The following RALGAPA2 variants were observed in gnomAD, a reference collection of about 807,000 sequenced individuals.
RALGAPA2 encodes ral GTPase-activating protein subunit alpha-2.
Under a neutral mutation model 230.4 loss-of-function variants are expected in RALGAPA2, and 139 were observed. The ratio of observed to expected loss-of-function variants is 0.60; its 90% CI spans 0.53 to 0.69. RALGAPA2 has a LOEUF of 0.69. RALGAPA2 is among the 30% of genes least tolerant of loss of function. The probability of loss-of-function intolerance (pLI) is 0.00; values close to 1 mark genes in which losing one functional copy is unlikely to be tolerated. For synonymous variants in RALGAPA2, 847 were observed against 837.8 expected (o/e 1.01, Z -0.19); for missense variants, 2,163 against 2,276.0 (o/e 0.95, Z 1.01).
At chr20:20,659,662 A>G (rs1214294029) in intron 3 of RALGAPA2, 5 of 328,334 alleles carry the variant, frequency 1.5e-5, no homozygotes, top group African/African-American at 2.2e-5. Context: ...CAACATCCTA[A>G]AAATATTATA....
At chr20:20,531,190 T>C (rs1446507568) in intron 27 of RALGAPA2, among the ~76,000 whole-genome samples, 4 of 152,216 alleles carry the variant, frequency 2.6e-5, no homozygotes, top group Non-Finnish European at 5.9e-5. Context: ...AACAGAATTA[T>C]TTAGAGTTCG....
At chr20:20,671,167 T>C (rs746660916) in intron 3 of RALGAPA2, among the ~76,000 whole-genome samples, 5 of 152,190 alleles carry the variant, frequency 3.3e-5, no homozygotes, top group Admixed American at 6.5e-5. Context: ...TCACTTACTT[T>C]ATCAGAATAC....
chr20:20,637,029 C>A (rs1327773716), intron 8 of RALGAPA2, among the ~76,000 whole-genome samples: 1 of 152,144 alleles, frequency 6.6e-6, no homozygotes, highest in East Asian at 1.9e-4. Flanking sequence ...TCGCCATACC[C>A]CACCACCCAC....
chr20:20,445,465 C>A (rs556539197), intron 37 of RALGAPA2, among the ~76,000 whole-genome samples: 1 of 152,176 alleles, frequency 6.6e-6, no homozygotes, highest in Non-Finnish European at 1.5e-5. Context: ...AGATCCCCCA[C>A]GGAATCTAAT....
At chr20:20,397,006 C>T (rs116765924) in intron 38 of RALGAPA2, among the ~76,000 whole-genome samples, 87 of 152,368 alleles carry the variant, frequency 5.7e-4, no homozygotes, top group African/African-American at 2.1e-3. Context: ...TCTATGCATG[C>T]AGACCTTGTC....
chr20:20,434,941 A>G (rs1378193409), intron 37 of RALGAPA2, among the ~76,000 whole-genome samples: 1 of 152,210 alleles, frequency 6.6e-6, no homozygotes, highest in Admixed American at 6.5e-5. Context: ...GTCTCAAAAA[A>G]GTTTTCTTTT....
chr20:20,429,398 C>G (rs1364563464), intron 37 of RALGAPA2, among the ~76,000 whole-genome samples: 1 of 152,190 alleles, frequency 6.6e-6, no homozygotes, highest in Non-Finnish European at 1.5e-5. Context: ...TTTCTCCCCC[C>G]AGAACCAAGA....
At chr20:20,629,330 C>G in intron 10 of RALGAPA2, 33 bp downstream of exon 10, 8 of 924,760 alleles carry the variant, frequency 8.7e-6, no homozygotes, top group Non-Finnish European at 1.2e-5. Context: ...AACACACACA[C>G]ACACACACAC....
intron 23 of RALGAPA2, among the ~76,000 whole-genome samples, chr20:20,559,337 C>T (rs1044778181): frequency 1.3e-5 from 2 of 152,068 alleles, no homozygotes; most frequent in East Asian, 1.9e-4. Context: ...TTAGACAATT[C>T]GTGTTTAGAC....
Position 20,443,005 on chromosome 20 carries a change from T to G in RALGAPA2, c.5495+29824A>C, listed in dbSNP as rs1380558240. ...AGCCTTTGAACTTTTTAAAGCTCTA[T>G]CAATGGACCATGATACTTAACCACT... On this transcript the variant is annotated intron_variant, in intron 37 of 39. Transcript: ENST00000202677. Among the ~76,000 whole-genome samples the G allele has an allele frequency of 2.6e-5, 4 of 152,214 alleles. No homozygotes were observed. The East Asian group carries it at 7.7e-4, about 29-fold the overall frequency.
Position 20,391,877 on chromosome 20 carries a change from G to A in RALGAPA2, c.*1412C>T, listed in dbSNP as rs899410647. The A allele has an allele frequency of 6.6e-6, 1 of 152,550 alleles. No individual in the cohort carries two copies. Among genetic ancestry groups the A allele is most frequent in the African/African-American group, 2.4e-5 (1 of 41,480 alleles). The allele number at this position is 152,550 out of a possible 1,614,324, so 9.4% of individuals were successfully genotyped here. A position where few individuals can be genotyped will look rare whatever the true frequency, so the allele number is the denominator to read the frequency against. ...CCCTGAGTTAGGGGCTGCGTCTCTC[G>A]TGCTGCTGTCCCTTCCCACTGCAGG... is the stretch of plus-strand genomic sequence containing the variant. On this transcript the variant is annotated 3_prime_UTR_variant, in exon 40 of 40. Coordinates refer to ENST00000202677, the MANE Select transcript of RALGAPA2 (RefSeq NM_020343.4).
At chr20:20,510,688 T>C (rs1189411166) in intron 33 of RALGAPA2, among the ~76,000 whole-genome samples, 12 of 152,220 alleles carry the variant, frequency 7.9e-5, no homozygotes, top group Admixed American at 7.8e-4. Context: ...TTCATGGTTG[T>C]GAGCTCATCT....
At chr20:20,482,706 T>C (rs2061808448) in intron 36 of RALGAPA2, among the ~76,000 whole-genome samples, 2 of 152,178 alleles carry the variant, frequency 1.3e-5, no homozygotes, top group Admixed American at 6.5e-5. Context: ...TCCTGAGGGA[T>C]TCCTGAGAGC....
At chr20:20,574,094 A>G (rs12480149) in intron 20 of RALGAPA2, among the ~76,000 whole-genome samples, 17,643 of 152,248 alleles carry the variant, frequency 0.12, 1,822 homozygotes, top group African/African-American at 0.27. Context: ...CTTGTTCTAC[A>G]TCCTTGCTAG....
intron 37 of RALGAPA2, among the ~76,000 whole-genome samples, chr20:20,431,087 T>C (rs926532248): frequency 2.6e-5 from 4 of 151,352 alleles, no homozygotes; most frequent in Non-Finnish European, 4.4e-5. Flanking sequence ...GTGGAGCGAG[T>C]CCCCCTGAAG....
chr20:20,534,226 C>G (rs770321122), intron 26 of RALGAPA2, among the ~76,000 whole-genome samples: 1 of 152,112 alleles, frequency 6.6e-6, no homozygotes, highest in South Asian at 2.1e-4. Flanking sequence ...AGGCAGATCA[C>G]GAAGTCAGGA....
intron 3 of RALGAPA2, among the ~76,000 whole-genome samples, chr20:20,674,805 T>C (rs968831129): frequency 1.3e-5 from 2 of 152,180 alleles, no homozygotes; most frequent in African/African-American, 4.8e-5. Context: ...CAAGAAATTA[T>C]TTAAGGGTAC....
At chr20:20,651,723 CCTA>C (rs747374099) in intron 4 of RALGAPA2, among the ~76,000 whole-genome samples, 2 of 152,152 alleles carry the variant, frequency 1.3e-5, no homozygotes, top group Non-Finnish European at 2.9e-5. Context: ...CTGTGAAGAG[CCTA>C]CTAATCTTCA....
At chr20:20,620,167 T>G (rs6082069) in intron 11 of RALGAPA2, among the ~76,000 whole-genome samples, 1 of 152,150 alleles carries the variant, frequency 6.6e-6, no homozygotes, top group African/African-American at 2.4e-5. Context: ...GTCTCACAAA[T>G]AGACATGTAA....
Sources: allele counts gnomAD v4.1 joint callset (sites outside exome capture counted in the v4.1 genomes callset), GRCh38; gene constraint gnomAD v4.1.1; transcripts MANE v1.5; gene names NCBI Gene and HGNC (gene_info 2026-07-23, HGNC 2026-07-21).